The following PTDSS2 variants were observed in gnomAD, a reference collection of about 807,000 sequenced individuals.
The protein encoded by PTDSS2 is phosphatidylserine synthase 2, also known as PSS-2.
PTDSS2 carries 41 observed loss-of-function variants against 64.7 expected under a neutral mutation model. The observed-to-expected ratio is 0.63, with a 90% CI of 0.49 to 0.82. PTDSS2 has a LOEUF of 0.82. PTDSS2 is among the 40% of genes least tolerant of loss of function. The pLI is 0.00. For missense variants in PTDSS2, 485 were observed against 650.0 expected (o/e 0.75, Z 2.76); for synonymous variants, 297 against 277.8 (o/e 1.07, Z -0.69).
At chr11:451,948 C>T (rs1244481944) in intron 1 of PTDSS2, among the ~76,000 whole-genome samples, 1 of 152,156 alleles carries the variant, frequency 6.6e-6, no homozygotes, top group Non-Finnish European at 1.5e-5. Context: ...GTGCCTGCCA[C>T]GTGGACCCTC....
rs1255325248 is a variant in PTDSS2 at position 460,727 on chromosome 11, G to C, written c.284+439G>C. On this transcript the variant is annotated intron_variant, in intron 2 of 11. Coordinates refer to ENST00000308020, the MANE Select transcript of PTDSS2 (RefSeq NM_030783.3). The surrounding 1 kb of genome is among the most constrained non-coding windows in gnomAD (Gnocchi z 5.8). ...GCCGACACGGACCGCAGACCATCTG[G>C]TCAGCAGCCAAGCGAGTAAACTCGT... 1 of 162,908 alleles carries C rather than the reference G, an allele frequency of 6.1e-6. No homozygotes were observed. The highest frequency in any genetic ancestry group is 2.4e-5 in the African/African-American group (1 of 41,980). 10.1% of individuals were successfully genotyped at this position (162,908 alleles called of 1,614,324 possible).
intron 1 of PTDSS2, chr11:458,855 CTT>C (rs1220985331): frequency 6.6e-6 from 1 of 152,204 alleles, no homozygotes; most frequent in Admixed American, 6.5e-5. Context: ...CTTTTCATTT[CTT>C]TAGGGCACAA....
In PTDSS2 at chr11:490,808, A is replaced by G. The variant is rs1047807695; in HGVS notation, c.*226A>G. 7 of 578,774 alleles carry G rather than the reference A, an allele frequency of 1.2e-5. No homozygotes were observed. The highest frequency in any genetic ancestry group is 2.1e-5 in the Non-Finnish European group (7 of 327,002). The allele number at this position is 578,774 out of a possible 1,614,324, so 35.9% of individuals were successfully genotyped here. A position where few individuals can be genotyped will look rare whatever the true frequency, so the allele number is the denominator to read the frequency against. On this transcript the variant is annotated 3_prime_UTR_variant, in exon 12 of 12. Transcript: ENST00000308020. ...TGTATGCGTGTGTGTACGCGTGTGT[A>G]CGCGCGTGTGTACACATGCGTGGCC...
chr11:457,368 G>T (rs1421582592), intron 1 of PTDSS2, among the ~76,000 whole-genome samples: 1 of 152,264 alleles, frequency 6.6e-6, no homozygotes, highest in Non-Finnish European at 1.5e-5. Context: ...CTTGAGTCGT[G>T]TGTGGGTGAC....
At chr11:484,832 G>C (rs1564990279) in intron 4 of PTDSS2, among the ~76,000 whole-genome samples, 1 of 146,772 alleles carries the variant, frequency 6.8e-6, no homozygotes, top group Non-Finnish European at 1.5e-5. Flanking sequence ...GTGTGCGCAG[G>C]CGAGTGTAAA....
intron 10 of PTDSS2, 41 bp downstream of exon 10, chr11:489,774 G>A (rs773237988): frequency 2.6e-5 from 41 of 1,589,222 alleles, no homozygotes; most frequent in African/African-American, 4.0e-5. Flanking sequence ...CCCCCGGGGG[G>A]CAGGGGCCGG....
chr11:451,723 C>T (rs1185550501), intron 1 of PTDSS2, among the ~76,000 whole-genome samples: 1 of 152,204 alleles, frequency 6.6e-6, no homozygotes, highest in African/African-American at 2.4e-5. Context: ...CCACCACAGA[C>T]AGGGACTTAA....
intron 2 of PTDSS2, among the ~76,000 whole-genome samples, chr11:471,908 G>A (rs1189616676): frequency 1.4e-5 from 2 of 140,132 alleles, no homozygotes; most frequent in Non-Finnish European, 3.1e-5. Flanking sequence ...CTGGGGTGAC[G>A]CGCACCTGTC....
chr11:484,747 G>A lies in PTDSS2; in HGVS notation c.436-2192G>A, dbSNP rs149560257. Among the ~76,000 whole-genome samples, 17 of 148,874 alleles carry A rather than the reference G, an allele frequency of 1.1e-4. No individual in the cohort carries two copies. In the South Asian group the frequency reaches 1.7e-3, roughly 15 times the overall value. On this transcript the variant is annotated intron_variant, in intron 4 of 11. Transcript: ENST00000308020. ...ACGGATGCGTGTGCTCACCGTGTGC[G>A]CAGGCGAGTGTAAGTGCACGGGTGT...
chr11:479,267 C>A lies in PTDSS2; in HGVS notation c.435+115C>A. ...CCTCGAGTGATGGGAGGAAGCAGGGCTAGACCCCCACAAAGTAGGCCGAGC... is the reference window on the plus strand; with the variant it reads ...CCTCGAGTGATGGGAGGAAGCAGGGATAGACCCCCACAAAGTAGGCCGAGC... On this transcript the variant is annotated intron_variant, in intron 4 of 11. Transcript: ENST00000308020. This position sits in a 1 kb window ranked among gnomAD's most constrained non-coding sequence, Gnocchi z 4.2. The A allele has an allele frequency of 2.2e-6, 2 of 920,748 alleles. No individual in the cohort carries two copies. Among genetic ancestry groups the A allele is most frequent in the Non-Finnish European group, 3.6e-6 (2 of 552,012 alleles). The allele number at this position is 920,748 out of a possible 1,614,324, so 57.0% of individuals were successfully genotyped here. A position where few individuals can be genotyped will look rare whatever the true frequency, so the allele number is the denominator to read the frequency against.
chr11:490,316 CCAGTCCATTCCGGACCTCCA>C, intron 11 of PTDSS2, 84 bp from the exon 12 acceptor site: 1 of 1,512,586 alleles, frequency 6.6e-7, no homozygotes, highest in Non-Finnish European at 9.1e-7. Context: ...CGGCACCCAC[CCAGTCCATTCCGGACCTCCA>C]CAGGGACTAG....
chr11:456,400 C>T (rs967988267), intron 1 of PTDSS2, among the ~76,000 whole-genome samples: 2 of 151,038 alleles, frequency 1.3e-5, no homozygotes, highest in African/African-American at 4.9e-5. Flanking sequence ...TGGTCTCCAA[C>T]TCCTGGGCTC....
rs551791029 is a variant in PTDSS2, at chr11:476,903, G to A, written c.368-2182G>A. Among the ~76,000 whole-genome samples, 1 of 152,284 alleles carries A rather than the reference G, an allele frequency of 6.6e-6. No individual in the cohort carries two copies. Among genetic ancestry groups the A allele is most frequent in the East Asian group, 1.9e-4 (1 of 5,186 alleles). ...TATTGACGGGGAAGCCTGTCCTGGA[G>A]CCACCTTCTTCCACGCGTCTTGTTA... On this transcript the variant is annotated intron_variant, in intron 3 of 11. Transcript: ENST00000308020. This position sits in a 1 kb window ranked among gnomAD's most constrained non-coding sequence, Gnocchi z 4.9.
At chr11:477,035 A>G (rs1398107959) in intron 3 of PTDSS2, among the ~76,000 whole-genome samples, 1 of 152,104 alleles carries the variant, frequency 6.6e-6, no homozygotes, top group East Asian at 1.9e-4. Flanking sequence ...GGCAGGGAGA[A>G]GGGCTTTCTC....
Position 469,561 on chromosome 11 carries a change from G to A in PTDSS2, c.285-4334G>A, listed in dbSNP as rs563274339. On this transcript the variant is annotated intron_variant, in intron 2 of 11. Transcript: ENST00000308020. ...TCCGGGTAATCAGAGGGACGAGGTT[G>A]GAGTGGCCGCTGTGATGGTGGATTA... Among the ~76,000 whole-genome samples, 5 of 152,212 alleles carry A rather than the reference G, an allele frequency of 3.3e-5. No individual in the cohort carries two copies. The South Asian group carries it at 1.0e-3, about 32-fold the overall frequency.
chr11:459,154 C>T (rs1375781946), intron 1 of PTDSS2: 17 of 66,096 alleles, frequency 2.6e-4, no homozygotes, highest in African/African-American at 1.0e-3. Context: ...CGGTGGATGT[C>T]GGACCTGGGT....
rs1462551772 is a variant in PTDSS2 at position 487,478 on chromosome 11, A to G, written c.621+8A>G. 2 of 1,613,130 alleles carry G rather than the reference A, an allele frequency of 1.2e-6. No homozygotes were observed. Among genetic ancestry groups the G allele is most frequent in the Non-Finnish European group, 1.7e-6 (2 of 1,179,510 alleles). ...CTTGGCTGGTACCTGAAGGTACGGCACCTCCTCTTCCCGGCCTCCCCGCCC... is the reference window on the plus strand; with the variant it reads ...CTTGGCTGGTACCTGAAGGTACGGCGCCTCCTCTTCCCGGCCTCCCCGCCC... On this transcript the variant is annotated splice_region_variant and intron_variant, in intron 6 of 11. Coordinates refer to ENST00000308020, the MANE Select transcript of PTDSS2 (RefSeq NM_030783.3).
chr11:490,800 G>A lies in PTDSS2; in HGVS notation c.*218G>A, dbSNP rs537127330. 18 of 575,338 alleles carry A rather than the reference G, an allele frequency of 3.1e-5. No homozygotes were observed. Among genetic ancestry groups the A allele is most frequent in the African/African-American group, 2.4e-4 (12 of 50,252 alleles). 35.6% of individuals were successfully genotyped at this position (575,338 alleles called of 1,614,324 possible). On this transcript the variant is annotated 3_prime_UTR_variant, in exon 12 of 12. Transcript: ENST00000308020. ...TGTACGTGTGTATGCGTGTGTGTAC[G>A]CGTGTGTACGCGCGTGTGTACACAT... is the stretch of plus-strand genomic sequence containing the variant.
In PTDSS2 at chr11:461,699, G is replaced by A. The variant is rs547619584; in HGVS notation, c.284+1411G>A. 7.2e-5 allele frequency among the ~76,000 whole-genome samples: 11 copies of A among 152,034 alleles called. No individual in the cohort carries two copies. The East Asian group carries it at 7.8e-4, about 11-fold the overall frequency. ...AGGCCTGGCCTGGCCAGTGCCTCCC[G>A]TGCTCCAGGCCCAGCTCGCTCCTTC... On this transcript the variant is annotated intron_variant, in intron 2 of 11. Transcript: ENST00000308020. This position sits in a 1 kb window ranked among gnomAD's most constrained non-coding sequence, Gnocchi z 4.2.
Sources: allele counts gnomAD v4.1 joint callset (sites outside exome capture counted in the v4.1 genomes callset), GRCh38; gene constraint gnomAD v4.1.1; non-coding constraint Gnocchi (gnomAD v3.1); transcripts MANE v1.5; gene names NCBI Gene and HGNC (gene_info 2026-07-23, HGNC 2026-07-21).